HMGXB3: variants seen among roughly 807,000 people sequenced by gnomAD.
The protein encoded by HMGXB3 is HMG-box containing 3, also known as HMG domain-containing protein 3.
Under a neutral mutation model 121.5 loss-of-function variants are expected in HMGXB3, and 45 were observed. The observed-to-expected ratio is 0.37, with a 90% CI of 0.29 to 0.47. The LOEUF is 0.47. Among genes scored for constraint, HMGXB3 ranks in the 20% least tolerant of loss-of-function variants. HMGXB3 has a pLI of 0.99. For synonymous variants in HMGXB3, 590 were observed against 624.1 expected (o/e 0.95, Z 0.81); for missense variants, 1,376 against 1,602.2 (o/e 0.86, Z 2.41).
intron 6 of HMGXB3, among the ~76,000 whole-genome samples, chr5:150,019,876 T>C (rs1281565567): frequency 1.3e-5 from 2 of 152,354 alleles, no homozygotes; most frequent in East Asian, 3.9e-4. Context: ...TTTTGCCCTC[T>C]GGATGAGTGT....
In HMGXB3 at chr5:150,026,897, TA is replaced by T. The variant is rs1183828100; in HGVS notation, c.1636+17del. 1.3e-6 allele frequency: 2 copies of T among 1,510,794 alleles called. No homozygotes were observed. The highest frequency in any genetic ancestry group is 2.8e-5 in the African/African-American group (2 of 72,058). The allele number at this position is 1,510,794 out of a possible 1,614,324, so 93.6% of individuals were successfully genotyped here. A position where few individuals can be genotyped will look rare whatever the true frequency, so the allele number is the denominator to read the frequency against. On this transcript the variant is annotated intron_variant, in intron 8 of 19. Transcript: ENST00000502717. ...TCCCTGAGTGGTAAGGGCTGGGACA[TA>T]CCTGGGATGGAGGGGCTGTCTGACA...
At chr5:150,036,029 C>T (rs1381641536) in intron 11 of HMGXB3, among the ~76,000 whole-genome samples, 1 of 152,130 alleles carries the variant, frequency 6.6e-6, no homozygotes, top group African/African-American at 2.4e-5. Flanking sequence ...TTTTATGCCC[C>T]ATTTCACAGA....
At chr5:150,038,745 G>C (rs1380198328) in intron 13 of HMGXB3, among the ~76,000 whole-genome samples, 2 of 152,154 alleles carry the variant, frequency 1.3e-5, no homozygotes, top group African/African-American at 4.8e-5. Flanking sequence ...TTAATCCTTT[G>C]AGAGTCATCC....
intron 6 of HMGXB3, chr5:150,021,475 A>T: frequency 4.0e-6 from 1 of 252,488 alleles, no homozygotes; most frequent in Non-Finnish European, 7.9e-6. Flanking sequence ...GATGGCTTTG[A>T]ATGAAGCCCA....
In HMGXB3 at chr5:150,018,263, T is replaced by C. The variant is rs75670717; in HGVS notation, c.910-303T>C. Among the ~76,000 whole-genome samples the C allele has an allele frequency of 3.2e-3, 483 of 152,352 alleles. 4 individuals carry two copies. The highest frequency in any genetic ancestry group is 0.011 in the African/African-American group (461 of 41,580). ...TTGCTGAGAGTATTAAATGAAATATTGGTAAAGTGTTTAGCATTGTGTGGT... is the reference window on the plus strand; with the variant it reads ...TTGCTGAGAGTATTAAATGAAATATCGGTAAAGTGTTTAGCATTGTGTGGT... On this transcript the variant is annotated intron_variant, in intron 5 of 19. Transcript: ENST00000502717.
At chr5:150,025,155 A>G (rs1178243019) in intron 7 of HMGXB3, among the ~76,000 whole-genome samples, 1 of 152,188 alleles carries the variant, frequency 6.6e-6, no homozygotes, top group East Asian at 1.9e-4. Flanking sequence ...TGAGTTGGAT[A>G]TTAGAAAATC....
At chr5:150,005,708 G>A (rs1277264925) in intron 2 of HMGXB3, among the ~76,000 whole-genome samples, 1 of 152,038 alleles carries the variant, frequency 6.6e-6, no homozygotes, top group Non-Finnish European at 1.5e-5. Context: ...ACTCTTGACT[G>A]TGAATACCTC....
At chr5:150,050,985 A>G (rs1275033067) in intron 19 of HMGXB3, among the ~76,000 whole-genome samples, 3 of 152,042 alleles carry the variant, frequency 2.0e-5, no homozygotes, top group African/African-American at 4.8e-5. Context: ...CATGTCTTAC[A>G]TTTAGTTGAC....
At chr5:150,037,157 T>A (rs933681150) in intron 12 of HMGXB3, among the ~76,000 whole-genome samples, 1 of 152,238 alleles carries the variant, frequency 6.6e-6, no homozygotes, top group Non-Finnish European at 1.5e-5. Context: ...TTAGTTTACA[T>A]CTGGACTGCC....
chr5:150,017,630 G>A (rs1755988248), intron 5 of HMGXB3, among the ~76,000 whole-genome samples: 1 of 152,194 alleles, frequency 6.6e-6, no homozygotes, highest in South Asian at 2.1e-4. Context: ...AGCCATAATT[G>A]AAGCCTTTTC....
In HMGXB3 at chr5:150,040,819, C is replaced by T. The variant is rs1756613497; in HGVS notation, c.2485C>T (p.Leu829Phe). 1.9e-6 allele frequency: 3 copies of T among 1,551,936 alleles called. No homozygotes were observed. The highest frequency in any genetic ancestry group is 1.7e-4 in the Middle Eastern group (1 of 5,994). ...TTTTGCAATCAGAAATCAGATCAAGCTCGGAGAGGACCCCAGAGTGTCCAT... is the reference window on the plus strand; with the variant it reads ...TTTTGCAATCAGAAATCAGATCAAGTTCGGAGAGGACCCCAGAGTGTCCAT... ...LLFAIRNQIK[L>F]GEDPRVSINV... The change falls in exon 14 of 20, where the codon CTC becomes TTC. Residue 829 changes from leucine (L) to phenylalanine (F), a missense_variant. Physicochemically the swap from Leu to Phe is conservative, Grantham distance 22. Around this residue, in one of 2 missense-constraint regions of HMGXB3, gnomAD observed 1,116 missense variants for 1,369.0 expected, o/e 0.82. Transcript: ENST00000502717.
rs1239896251 is a variant in HMGXB3 at position 150,001,099 on chromosome 5, T to C, written c.-83T>C. 6.5e-6 allele frequency: 1 copy of C among 154,030 alleles called. No individual in the cohort carries two copies. Among genetic ancestry groups the C allele is most frequent in the African/African-American group, 2.4e-5 (1 of 41,456 alleles). The allele number at this position is 154,030 out of a possible 1,614,324, so 9.5% of individuals were successfully genotyped here. ...TCTCGCCGACAGCGGGGAGCGCGAG[T>C]GCGCCAGCCATCCCCCTCGTCCAGC... On this transcript the variant is annotated 5_prime_UTR_variant, in exon 1 of 20. Coordinates refer to ENST00000502717, the MANE Select transcript of HMGXB3 (RefSeq NM_014983.3).
Position 150,041,922 on chromosome 5 carries a change from A to G in HMGXB3, c.2683A>G (p.Met895Val). The change falls in exon 15 of 20, where the codon ATG (methionine) becomes GTG (valine). Residue 895 changes from methionine (M) to valine (V), a missense_variant. Met to Val is a conservative substitution (Grantham distance 21). Coordinates refer to ENST00000502717, the MANE Select transcript of HMGXB3 (RefSeq NM_014983.3). The stretch of plus-strand genomic sequence containing the variant: ...CTGTGGTGTGGCCCCCAAAGTGGAA[A>G]TGGCTCAGAGGAGTGAAGAGAATGT... ...GICGVAPKVE[M>V]AQRSEENVLA... is the part of the protein sequence containing the mutation. 2 of 1,551,722 alleles carry G rather than the reference A, an allele frequency of 1.3e-6. No individual in the cohort carries two copies. The highest frequency in any genetic ancestry group is 1.7e-6 in the Non-Finnish European group (2 of 1,146,980).
At chr5:150,050,914 G>A (rs1756873438) in intron 19 of HMGXB3, among the ~76,000 whole-genome samples, 1 of 152,202 alleles carries the variant, frequency 6.6e-6, no homozygotes, top group Non-Finnish European at 1.5e-5. Context: ...CCACCTTTGA[G>A]AGTTATTGTG....
intron 9 of HMGXB3, among the ~76,000 whole-genome samples, chr5:150,029,310 G>A (rs1386408154): frequency 6.7e-6 from 1 of 149,480 alleles, no homozygotes; most frequent in Non-Finnish European, 1.5e-5. Flanking sequence ...TTGGCTATAT[G>A]TAGCTAGAAT....
chr5:150,025,877 C>T (rs1186822312), intron 7 of HMGXB3, among the ~76,000 whole-genome samples: 1 of 151,874 alleles, frequency 6.6e-6, no homozygotes, highest in African/African-American at 2.4e-5. Flanking sequence ...GCTCTGTCGC[C>T]CAGGCTGGAG....
At chr5:150,021,683 T>C in intron 6 of HMGXB3, 1 of 518,102 alleles carries the variant, frequency 1.9e-6, no homozygotes, top group South Asian at 1.4e-5. Flanking sequence ...TGGATTCTCC[T>C]ATGGAAACAT....
At chr5:150,048,716 G>A in intron 18 of HMGXB3, 31 bp downstream of exon 18, 1 of 1,444,354 alleles carries the variant, frequency 6.9e-7, no homozygotes, top group Non-Finnish European at 9.5e-7. Context: ...AGCTTGGAGT[G>A]AATTTGCTAA....
intron 6 of HMGXB3, among the ~76,000 whole-genome samples, chr5:150,021,314 C>T (rs960032417): frequency 6.6e-6 from 1 of 152,072 alleles, no homozygotes; most frequent in African/African-American, 2.4e-5. Context: ...TTTGAGTTTC[C>T]AGCTAAGGAA....
Sources: gnomAD v4.1 joint callset for allele counts (sites outside exome capture counted in the v4.1 genomes callset) on GRCh38, gnomAD v4.1.1 for gene constraint, gnomAD v4.1.1 regional missense constraint, MANE v1.5 for transcripts, NCBI Gene and HGNC (gene_info 2026-07-23, HGNC 2026-07-21) for gene names.